USP53: variants seen among roughly 807,000 people sequenced by gnomAD.
USP53 encodes ubiquitin specific peptidase 53.
A neutral mutation model predicts 94.9 loss-of-function variants in USP53; 71 were observed. That is an observed-to-expected ratio of 0.75 (90% CI 0.62 to 0.91). The LOEUF is 0.91. Among genes scored for constraint, USP53 ranks in the 40% least tolerant of loss-of-function variants. The pLI is 0.00. For missense variants in USP53, 1,173 were observed against 1,281.0 expected (o/e 0.92, Z 1.29); for synonymous variants, 375 against 422.7 (o/e 0.89, Z 1.39).
chr4:119,234,393 G>A (rs1746456746), intron 3 of USP53, among the ~76,000 whole-genome samples: 1 of 152,118 alleles, frequency 6.6e-6, no homozygotes, highest in East Asian at 1.9e-4. Flanking sequence ...GGGTTGAGAT[G>A]GAGGGAGGGA....
In USP53 at chr4:119,271,998, T is replaced by C; in HGVS notation, c.2138T>C (p.Met713Thr). Residue 713 changes from methionine to threonine, a missense_variant, in exon 16 of 19, where the codon ATG (methionine) becomes ACG (threonine). Coordinates refer to ENST00000692078, the MANE Select transcript of USP53 (RefSeq NM_001371395.1). ...SPVIDGNGTV[M>T]DISGVKETVC... ...GTTATCGATGGAAATGGTACAGTAATGGATATCAGTGGTGTTAAAGAAACA... is the reference window on the plus strand; with the variant it reads ...GTTATCGATGGAAATGGTACAGTAACGGATATCAGTGGTGTTAAAGAAACA... 6.2e-7 allele frequency: 1 copy of C among 1,602,724 alleles called. No homozygotes were observed. The highest frequency in any genetic ancestry group is 1.3e-5 in the African/African-American group (1 of 74,428).
At chr4:119,224,222 A>C (rs1234970615) in intron 3 of USP53, among the ~76,000 whole-genome samples, 1 of 150,642 alleles carries the variant, frequency 6.6e-6, no homozygotes, top group East Asian at 2.0e-4. Context: ...CTGGTCTTGA[A>C]CTCCTGACCT....
At chr4:119,285,565 A>G (rs1011424562) in intron 17 of USP53, among the ~76,000 whole-genome samples, 3 of 151,848 alleles carry the variant, frequency 2.0e-5, no homozygotes, top group Admixed American at 6.6e-5. Context: ...TTCTTCTTGT[A>G]CAAATAGTCT....
At chr4:119,268,684 A>G (rs1263246214) in intron 14 of USP53, among the ~76,000 whole-genome samples, 1 of 152,238 alleles carries the variant, frequency 6.6e-6, no homozygotes, top group Non-Finnish European at 1.5e-5. Flanking sequence ...TAAAGCAATA[A>G]TGTGGCATTT....
intron 3 of USP53, among the ~76,000 whole-genome samples, chr4:119,230,682 C>G (rs938405405): frequency 5.9e-5 from 9 of 152,094 alleles, no homozygotes; most frequent in Non-Finnish European, 1.3e-4. Flanking sequence ...ATACAACTCA[C>G]CAAAACACAT....
At chr4:119,288,747 A>G (rs1754387422) in intron 17 of USP53, among the ~76,000 whole-genome samples, 1 of 151,852 alleles carries the variant, frequency 6.6e-6, no homozygotes, top group Non-Finnish European at 1.5e-5. Flanking sequence ...GACCAGCCTG[A>G]CCAATATGAA....
chr4:119,246,934 A>G (rs1021628598), intron 6 of USP53, among the ~76,000 whole-genome samples: 4 of 151,666 alleles, frequency 2.6e-5, no homozygotes, highest in Admixed American at 2.6e-4. Flanking sequence ...ACACATACAC[A>G]TAGACACACA....
chr4:119,276,434 T>G (rs907347972), intron 17 of USP53, among the ~76,000 whole-genome samples: 2 of 151,452 alleles, frequency 1.3e-5, no homozygotes, highest in African/African-American at 4.8e-5. Flanking sequence ...CAGCCTTGCA[T>G]CCCAGGGATG....
rs1456953157 is a variant in USP53 at position 119,273,402 on chromosome 4, A to T, written c.2175-230A>T. The stretch of plus-strand genomic sequence containing the variant: ...AGGGTAGTAGAAAGATCAGGACTTT[A>T]TAACCAGATAGACTTAGATTTTAAT... On this transcript the variant is annotated intron_variant, in intron 16 of 18. Coordinates refer to ENST00000692078, the MANE Select transcript of USP53 (RefSeq NM_001371395.1). The T allele has an allele frequency of 1.1e-5, 4 of 375,000 alleles. No individual in the cohort carries two copies. In the Admixed American group the frequency reaches 1.6e-4, roughly 15 times the overall value. The allele number at this position is 375,000 out of a possible 1,614,324, so 23.2% of individuals were successfully genotyped here. A position where few individuals can be genotyped will look rare whatever the true frequency, so the allele number is the denominator to read the frequency against.
At chr4:119,254,802 T>C (rs1749533760) in intron 7 of USP53, among the ~76,000 whole-genome samples, 1 of 152,188 alleles carries the variant, frequency 6.6e-6, no homozygotes, top group African/African-American at 2.4e-5. Context: ...AGAAGAGACA[T>C]TCTGGTTTTT....
chr4:119,238,899 A>G (rs1282936707), intron 4 of USP53, among the ~76,000 whole-genome samples: 1 of 152,154 alleles, frequency 6.6e-6, no homozygotes. Context: ...AAGGATAACA[A>G]TATATTCTAG....
chr4:119,253,789 A>G (rs947375622), intron 7 of USP53, among the ~76,000 whole-genome samples: 1 of 147,864 alleles, frequency 6.8e-6, no homozygotes, highest in Admixed American at 6.6e-5. Context: ...TTTGCCTGTT[A>G]GTTGATGCAG....
At chr4:119,256,220 A>G (rs1346827517) in intron 7 of USP53, 26 bp from the exon 8 acceptor site, 4 of 1,559,338 alleles carry the variant, frequency 2.6e-6, no homozygotes, top group Admixed American at 1.7e-5. Flanking sequence ...TCAACAACTC[A>G]TTTATCTATT....
At chr4:119,276,611 CAT>C (rs1752680296) in intron 17 of USP53, among the ~76,000 whole-genome samples, 1 of 130,742 alleles carries the variant, frequency 7.6e-6, no homozygotes, top group African/African-American at 2.9e-5. Context: ...ATGCTGGCCT[CAT>C]AAAATGAGTT....
In USP53 at chr4:119,236,252, ATG is replaced by A. The variant is rs199598733; in HGVS notation, c.-543+843_-543+844del. Reference sequence around the variant, plus strand: ...AAATAGCATTATTTCTAAAAAGACAATGTATATATCTTATTTAAAAACTATTG... The same window carrying A: ...AAATAGCATTATTTCTAAAAAGACAATATATATCTTATTTAAAAACTATTG... On this transcript the variant is annotated intron_variant, in intron 4 of 18. Transcript: ENST00000692078. 4.8e-3 allele frequency among the ~76,000 whole-genome samples: 735 copies of A among 152,354 alleles called. 11 individuals carry two copies. Among genetic ancestry groups the A allele is most frequent in the African/African-American group, 0.016 (683 of 41,580 alleles).
At chr4:119,291,372 C>T in intron 18 of USP53, 111 bp downstream of exon 18, 1 of 546,560 alleles carries the variant, frequency 1.8e-6, no homozygotes, top group Non-Finnish European at 3.1e-6. Context: ...TATTGAGATG[C>T]CTTTCTTATT....
chr4:119,268,459 G>T (rs377266693), intron 14 of USP53, 39 bp downstream of exon 14: 7 of 1,550,628 alleles, frequency 4.5e-6, no homozygotes, highest in South Asian at 1.2e-5. Context: ...AGTTCCAAGT[G>T]AGTGTCCTCC....
At position 119,292,817 on chromosome 4, in the gene USP53, C is replaced by T; in HGVS notation, c.2828C>T (p.Thr943Ile). ...CCACAGTCAGAGAAAAGCGAATCTA[C>T]ACCTGATGTCAAACTTACAGAGGTG... is the stretch of plus-strand genomic sequence containing the variant. ...SVPQSEKSES[T>I]PDVKLTEVFK... Residue 943 changes from threonine (T) to isoleucine (I), a missense_variant, in exon 19 of 19, where the codon ACA (threonine) becomes ATA (isoleucine). Thr to Ile is a moderately conservative substitution (Grantham distance 89). Transcript: ENST00000692078. 3.7e-6 allele frequency: 6 copies of T among 1,614,110 alleles called. No individual in the cohort carries two copies. Among genetic ancestry groups the T allele is most frequent in the East Asian group, 2.2e-5 (1 of 44,882 alleles).
chr4:119,258,352 T>G (rs1750035793), intron 9 of USP53, among the ~76,000 whole-genome samples: 1 of 152,216 alleles, frequency 6.6e-6, no homozygotes, highest in Non-Finnish European at 1.5e-5. Context: ...TACCAAATAC[T>G]TGGAGATTAT....
Sources: allele counts gnomAD v4.1 joint callset (sites outside exome capture counted in the v4.1 genomes callset), GRCh38; gene constraint gnomAD v4.1.1; transcripts MANE v1.5; gene names NCBI Gene and HGNC (gene_info 2026-07-23, HGNC 2026-07-21).